AMBRA1: variants seen among roughly 807,000 people sequenced by gnomAD.
The protein encoded by AMBRA1 is activating molecule in BECN1-regulated autophagy protein 1.
In AMBRA1, 47 loss-of-function variants were observed where a neutral mutation model predicts 125.4. That is an observed-to-expected ratio of 0.37 (90% confidence interval 0.30 to 0.48). The LOEUF is 0.48. Among genes scored for constraint, AMBRA1 ranks in the 20% least tolerant of loss-of-function variants. AMBRA1 has a pLI of 0.99. For synonymous variants in AMBRA1, 626 were observed against 655.5 expected (o/e 0.95, Z 0.69); for missense variants, 1,331 against 1,693.4 (o/e 0.79, Z 3.76).
rs577172027 is a variant in AMBRA1 at position 46,422,580 on chromosome 11, G to A, written c.2977-4528C>T. Among the ~76,000 whole-genome samples the A allele has an allele frequency of 8.2e-4, 125 of 152,202 alleles. 1 individual carries two copies. The highest frequency in any genetic ancestry group is 2.9e-3 in the African/African-American group (122 of 41,534). ...GTTCAAAGATAGACAGGAAAAGAAT[G>A]AGAGGGAGCCAGGAGGTCAGCGGGA... On this transcript the variant is annotated intron_variant, in intron 14 of 17. Transcript: ENST00000683756.
intron 15 of AMBRA1, among the ~76,000 whole-genome samples, chr11:46,411,163 C>T (rs1263497338): frequency 6.6e-6 from 1 of 151,032 alleles, no homozygotes; most frequent in Non-Finnish European, 1.5e-5. Context: ...AAAGACAGTG[C>T]AGGCTCTCGC....
At chr11:46,457,663 G>T (rs574939353) in intron 11 of AMBRA1, among the ~76,000 whole-genome samples, 2 of 152,270 alleles carry the variant, frequency 1.3e-5, no homozygotes, top group African/African-American at 4.8e-5. Context: ...CACTTTGGAA[G>T]GCCAAGGCAG....
Position 46,429,246 on chromosome 11 carries a change from C to T in AMBRA1, c.2976+4228G>A, listed in dbSNP as rs1388119790. On this transcript the variant is annotated intron_variant, in intron 14 of 17. Coordinates refer to ENST00000683756, the MANE Select transcript of AMBRA1 (RefSeq NM_001387011.1). ...CCCCCTACCCCATAAAATAAGCCTC[C>T]AGCCCCTATCGCTACTCAGAAATCG... The T allele has an allele frequency of 3.0e-6, 3 of 993,514 alleles. No individual in the cohort carries two copies. The African/African-American group carries it at 4.8e-5, about 16-fold the overall frequency. The allele number at this position is 993,514 out of a possible 1,614,324, so 61.5% of individuals were successfully genotyped here. A position where few individuals can be genotyped will look rare whatever the true frequency, so the allele number is the denominator to read the frequency against.
chr11:46,470,836 T>C (rs1449314625), intron 11 of AMBRA1, among the ~76,000 whole-genome samples: 1 of 152,092 alleles, frequency 6.6e-6, no homozygotes, highest in Non-Finnish European at 1.5e-5. Flanking sequence ...ATCAGACAAA[T>C]ATTTGAGTAT....
chr11:46,464,239 C>T (rs776672436), intron 11 of AMBRA1, among the ~76,000 whole-genome samples: 60 of 152,208 alleles, frequency 3.9e-4, no homozygotes, highest in African/African-American at 1.4e-3. Context: ...GTCATCAGGA[C>T]GCCCTGTGAG....
chr11:46,453,090 C>T (rs1948694482), intron 11 of AMBRA1, among the ~76,000 whole-genome samples: 1 of 152,148 alleles, frequency 6.6e-6, no homozygotes, highest in African/African-American at 2.4e-5. Flanking sequence ...AACAGTCACT[C>T]CCTTTTACTC....
chr11:46,468,535 A>G (rs905460828), intron 11 of AMBRA1, among the ~76,000 whole-genome samples: 2 of 152,084 alleles, frequency 1.3e-5, no homozygotes, highest in African/African-American at 4.8e-5. Context: ...GCAGTGACTC[A>G]CGCCTGTAAT....
chr11:46,537,405 T>A (rs1488477638), intron 7 of AMBRA1, among the ~76,000 whole-genome samples: 9 of 152,218 alleles, frequency 5.9e-5, no homozygotes, highest in African/African-American at 2.2e-4. Context: ...CTCTGTTTTG[T>A]CATCAGAGAG....
At chr11:46,410,961 C>T (rs1397163453) in intron 15 of AMBRA1, among the ~76,000 whole-genome samples, 3 of 152,062 alleles carry the variant, frequency 2.0e-5, no homozygotes, top group East Asian at 1.9e-4. Context: ...ATTAGCTGGC[C>T]GTGGTGGCAC....
chr11:46,480,876 A>G (rs1369923375), intron 11 of AMBRA1, among the ~76,000 whole-genome samples: 1 of 152,248 alleles, frequency 6.6e-6, no homozygotes, highest in Non-Finnish European at 1.5e-5. Flanking sequence ...CTTTACGTAT[A>G]GAGACCAATG....
chr11:46,482,763 C>T (rs1950121977), intron 11 of AMBRA1, among the ~76,000 whole-genome samples: 1 of 152,156 alleles, frequency 6.6e-6, no homozygotes, highest in African/African-American at 2.4e-5. Context: ...GTAATCCCAG[C>T]ACTTTGGGGT....
chr11:46,426,333 G>T (rs1947132815), intron 14 of AMBRA1, among the ~76,000 whole-genome samples: 1 of 152,156 alleles, frequency 6.6e-6, no homozygotes, highest in Non-Finnish European at 1.5e-5. Context: ...TGGGGAGATG[G>T]CAGTGAAAAG....
At position 46,511,654 on chromosome 11, in the gene AMBRA1, G is replaced by T. The variant is rs528776615; in HGVS notation, c.2159+1073C>A. ...AAGCCTCCTAATGTGCTCTAGTATT[G>T]CTTAAATAATGTGCCTTTTTAGATC... On this transcript the variant is annotated intron_variant, in intron 8 of 17. Coordinates refer to ENST00000683756, the MANE Select transcript of AMBRA1 (RefSeq NM_001387011.1). Among the ~76,000 whole-genome samples the T allele has an allele frequency of 7.9e-5, 12 of 152,250 alleles. No individual in the cohort carries two copies. In the South Asian group the frequency reaches 2.5e-3, roughly 32 times the overall value.
rs369058163 is a variant in AMBRA1, at chr11:46,517,146, C to CTT, written c.2073-4335_2073-4334dup. ...ATAACACACATGGATTACTCAAAAG[C>CTT]TTTTTTTTTTTTTTTTTTTGAGATG... On this transcript the variant is annotated intron_variant, in intron 7 of 17. Coordinates refer to ENST00000683756, the MANE Select transcript of AMBRA1 (RefSeq NM_001387011.1). Among the ~76,000 whole-genome samples the CTT allele has an allele frequency of 6.7e-3, 812 of 121,988 alleles. 12 individuals carry two copies. The highest frequency in any genetic ancestry group is 0.022 in the African/African-American group (698 of 32,074). The allele number at this position is 121,988 out of a possible 152,430, so 80.0% of individuals were successfully genotyped here.
At chr11:46,543,877 G>C in intron 6 of AMBRA1, 98 bp downstream of exon 6, 3 of 970,420 alleles carry the variant, frequency 3.1e-6, no homozygotes, top group South Asian at 2.9e-5. Context: ...ATAAGACTTG[G>C]GTATTGAGAA....
At chr11:46,514,820 G>A (rs12271359) in intron 7 of AMBRA1, among the ~76,000 whole-genome samples, 4 of 152,268 alleles carry the variant, frequency 2.6e-5, no homozygotes, top group East Asian at 1.9e-4. Flanking sequence ...ATAAAATAAC[G>A]GCATGTCTTT....
chr11:46,565,716 G>T (rs558410205), intron 1 of AMBRA1, among the ~76,000 whole-genome samples: 2 of 151,882 alleles, frequency 1.3e-5, no homozygotes, highest in African/African-American at 4.8e-5. Context: ...AAAAAAAAAC[G>T]TGTATAAAAA....
intron 12 of AMBRA1, among the ~76,000 whole-genome samples, chr11:46,439,801 G>A (rs1382141070): frequency 6.6e-6 from 1 of 152,120 alleles, no homozygotes; most frequent in Non-Finnish European, 1.5e-5. Flanking sequence ...CAGAAAAATT[G>A]GTAAAGCACA....
At chr11:46,556,676 T>C (rs747967899) in intron 1 of AMBRA1, among the ~76,000 whole-genome samples, 3 of 152,226 alleles carry the variant, frequency 2.0e-5, no homozygotes, top group South Asian at 2.1e-4. Context: ...TCTTGATTTC[T>C]AGGAATAGTT....
Sources: gnomAD v4.1 joint callset for allele counts (sites outside exome capture counted in the v4.1 genomes callset) on GRCh38, gnomAD v4.1.1 for gene constraint, MANE v1.5 for transcripts, NCBI Gene and HGNC (gene_info 2026-07-23, HGNC 2026-07-21) for gene names.